MPP7: variants seen among roughly 807,000 people sequenced by gnomAD.
MPP7 encodes the protein MAGUK p55 subfamily member 7.
A neutral mutation model predicts 76.5 loss-of-function variants in MPP7; 60 were observed. That is an observed-to-expected ratio of 0.78 (90% CI 0.64 to 0.97). The LOEUF (loss-of-function observed/expected upper bound fraction) is 0.97, where lower values mean the gene tolerates loss of function less well. MPP7 is among the 50% of genes least tolerant of loss of function. MPP7 has a pLI of 0.00. For missense variants in MPP7, 641 were observed against 694.0 expected, an observed-to-expected ratio of 0.92 and a Z score of 0.86; for synonymous variants, 237 against 244.5, an observed-to-expected ratio of 0.97 and a Z score of 0.29.
chr10:28,289,300 C>CA (rs11436116), intron 1 of MPP7: 29,989 of 130,566 alleles, frequency 0.23, 4,544 homozygotes, highest in East Asian at 0.56. Context: ...GACTCCATCT[C>CA]AAAAAAAAAA....
chr10:28,060,321 T>A (rs1418687640), intron 13 of MPP7, among the ~76,000 whole-genome samples: 3 of 152,186 alleles, frequency 2.0e-5, no homozygotes, highest in Admixed American at 6.5e-5. Flanking sequence ...TAATCTTGCC[T>A]AATTATTTAT....
chr10:28,142,753 T>C (rs1028858287), intron 5 of MPP7, among the ~76,000 whole-genome samples: 3 of 151,838 alleles, frequency 2.0e-5, no homozygotes, highest in African/African-American at 7.3e-5. Context: ...AGAATATTAG[T>C]CGAAAAGAGC....
At chr10:28,071,939 G>A (rs190353230) in intron 12 of MPP7, among the ~76,000 whole-genome samples, 17 of 152,188 alleles carry the variant, frequency 1.1e-4, no homozygotes, top group Admixed American at 7.9e-4. Flanking sequence ...CAAGGCTATC[G>A]AAGTGAAGAA....
chr10:28,289,731 G>C (rs963804337), intron 1 of MPP7, among the ~76,000 whole-genome samples: 2 of 152,172 alleles, frequency 1.3e-5, no homozygotes, highest in Admixed American at 6.5e-5. Context: ...AAAGGTTTTA[G>C]GGGCAGGGGC....
rs869250857 is a variant in MPP7, at chr10:28,105,152, C to CAAA, written c.952+14496_952+14498dup. Reference sequence around the variant, plus strand: ...CTGGCGACAGAGTGAGACTCCATCTCAAAAAAAAAAAAAAAAAAAAAAAAA... The same window carrying CAAA: ...CTGGCGACAGAGTGAGACTCCATCTCAAAAAAAAAAAAAAAAAAAAAAAAAAAA... On this transcript the variant is annotated intron_variant, in intron 11 of 16. Transcript: ENST00000683449. 2.1e-3 allele frequency among the ~76,000 whole-genome samples: 61 copies of CAAA among 29,612 alleles called. 3 individuals are homozygous for CAAA. Among genetic ancestry groups the CAAA allele is most frequent in the African/African-American group, 6.0e-3 (59 of 9,764 alleles). 19.4% of individuals were successfully genotyped at this position (29,612 alleles called of 152,430 possible).
At chr10:28,227,069 A>G (rs1838716904) in intron 2 of MPP7, among the ~76,000 whole-genome samples, 1 of 152,354 alleles carries the variant, frequency 6.6e-6, no homozygotes, top group Admixed American at 6.5e-5. Context: ...TCTTTAGTTT[A>G]TCACTGAAAA....
At position 28,177,180 on chromosome 10, in the gene MPP7, G is replaced by T. The variant is rs141205137; in HGVS notation, c.156+24973C>A. ...CGCCTGTAATCCCAGCACTTTGGGA[G>T]GCCAAGCAGGCAGATCATGAGGTCA... On this transcript the variant is annotated intron_variant, in intron 3 of 16. Coordinates refer to ENST00000683449, the MANE Select transcript of MPP7 (RefSeq NM_001318170.2). 8.9e-3 allele frequency among the ~76,000 whole-genome samples: 1,341 copies of T among 150,724 alleles called. 21 individuals carry two copies. Among genetic ancestry groups the T allele is most frequent in the African/African-American group, 0.03 (1,244 of 41,036 alleles).
At chr10:28,257,745 T>TAA (rs66568214) in intron 1 of MPP7, among the ~76,000 whole-genome samples, 1 of 142,074 alleles carries the variant, frequency 7.0e-6, no homozygotes, top group Non-Finnish European at 1.5e-5. Context: ...TAAAGTATAA[T>TAA]AAAAAAAAAA....
At chr10:28,251,974 C>T (rs961349718) in intron 1 of MPP7, among the ~76,000 whole-genome samples, 24 of 152,196 alleles carry the variant, frequency 1.6e-4, no homozygotes, top group Admixed American at 5.2e-4. Flanking sequence ...TACTTTCCTA[C>T]GCTAATTCCT....
chr10:28,162,370 T>C (rs1836291529), intron 3 of MPP7, among the ~76,000 whole-genome samples: 1 of 152,040 alleles, frequency 6.6e-6, no homozygotes, highest in South Asian at 2.1e-4. Flanking sequence ...TGCATGGTAA[T>C]AGCAGAGAAA....
intron 2 of MPP7, among the ~76,000 whole-genome samples, chr10:28,222,905 A>G (rs991818852): frequency 3.3e-5 from 5 of 151,316 alleles, no homozygotes; most frequent in African/African-American, 4.9e-5. Context: ...TTACATACAC[A>G]TAAGCATACT....
intron 3 of MPP7, among the ~76,000 whole-genome samples, chr10:28,183,054 G>C (rs1321157498): frequency 6.6e-6 from 1 of 152,100 alleles, no homozygotes; most frequent in African/African-American, 2.4e-5. Flanking sequence ...TTCCAGCCTG[G>C]GCAACAAGAG....
At chr10:28,080,639 T>C (rs1295764936) in intron 12 of MPP7, among the ~76,000 whole-genome samples, 1 of 152,226 alleles carries the variant, frequency 6.6e-6, no homozygotes, top group Non-Finnish European at 1.5e-5. Flanking sequence ...TGGTACACCG[T>C]AAAACTCAGT....
At chr10:28,191,371 C>G (rs1419103724) in intron 3 of MPP7, among the ~76,000 whole-genome samples, 1 of 152,106 alleles carries the variant, frequency 6.6e-6, no homozygotes, top group Non-Finnish European at 1.5e-5. Flanking sequence ...TACTTACAAA[C>G]AGAGATGCAA....
chr10:28,262,188 T>TAC (rs1839975536), intron 1 of MPP7, among the ~76,000 whole-genome samples: 1 of 888 alleles, frequency 1.1e-3, no homozygotes. Context: ...AAATAAATTA[T>TAC]ATATATATAT....
intron 1 of MPP7, among the ~76,000 whole-genome samples, chr10:28,267,366 A>C: frequency 6.6e-6 from 1 of 152,248 alleles, no homozygotes; most frequent in East Asian, 1.9e-4. Context: ...TGGTGAACAA[A>C]ACAGGCACAT....
At chr10:28,234,027 C>A (rs939519981) in intron 2 of MPP7, among the ~76,000 whole-genome samples, 7 of 152,136 alleles carry the variant, frequency 4.6e-5, no homozygotes, top group Non-Finnish European at 7.4e-5. Context: ...AGAAACAACA[C>A]TCCAGCAGCG....
rs374388158 is a variant in MPP7 at position 28,088,363 on chromosome 10, A to C, written c.1123+1308T>G. 8.5e-5 allele frequency among the ~76,000 whole-genome samples: 13 copies of C among 152,156 alleles called. No homozygotes were observed. In the South Asian group the frequency reaches 2.7e-3, roughly 32 times the overall value. On this transcript the variant is annotated intron_variant, in intron 12 of 16. Transcript: ENST00000683449. ...CTGGTGGGAGGTAGCTAGATCACAG[A>C]GGTAGATTTCTCCCATGATATTCCC...
chr10:28,120,377 G>C lies in MPP7; in HGVS notation c.704C>G (p.Ala235Gly). ...PSKEGKMFIK[A>G]LFDYNPNEDK... ...CTCATTAGGATTATAGTCAAAGAGG[G>C]CTTTGATAAACATCTGGAAGAAAAG... Residue 235 changes from alanine to glycine, a missense_variant, in exon 10 of 17, where the codon GCC becomes GGC. Transcript: ENST00000683449. The C allele has an allele frequency of 6.2e-7, 1 of 1,608,076 alleles. No homozygotes were observed. Among genetic ancestry groups the C allele is most frequent in the Non-Finnish European group, 8.5e-7 (1 of 1,178,098 alleles).
Sources: gnomAD v4.1 joint callset for allele counts (sites outside exome capture counted in the v4.1 genomes callset) on GRCh38, gnomAD v4.1.1 for gene constraint, MANE v1.5 for transcripts, NCBI Gene and HGNC (gene_info 2026-07-23, HGNC 2026-07-21) for gene names.